ABR: variants seen among roughly 807,000 people sequenced by gnomAD.
ABR encodes active breakpoint cluster region-related protein.
ABR carries 35 observed loss-of-function variants against 107.2 expected under a neutral mutation model. That is an observed-to-expected ratio of 0.33 (90% confidence interval 0.25 to 0.43). ABR has a LOEUF of 0.43. Among genes scored for constraint, ABR ranks in the 20% least tolerant of loss-of-function variants. ABR has a pLI of 1.00. For missense variants in ABR, 815 were observed against 1,115.2 expected (o/e 0.73, Z 3.83); for synonymous variants, 498 against 462.0 (o/e 1.08, Z -1.00).
rs113843648 is a variant in ABR, at chr17:1,220,270, G to A, written c.838+8523C>T. Among the ~76,000 whole-genome samples, 15 of 149,902 alleles carry A rather than the reference G, an allele frequency of 1.0e-4. No homozygotes were observed. In the East Asian group the frequency reaches 1.9e-3, roughly 19 times the overall value. ...CACACCACTGCACTCCAGCCTGGGC[G>A]ACAGAGCGAGACTCCGTCTAAAAAA... On this transcript the variant is annotated intron_variant, in intron 1 of 22. Transcript: ENST00000574139.
intron 5 of ABR, among the ~76,000 whole-genome samples, chr17:1,081,299 T>G (rs3786069): frequency 0.044 from 6,707 of 152,276 alleles, 228 homozygotes; most frequent in East Asian, 0.17. Flanking sequence ...GGTCTTGAAC[T>G]CCTGGGCTCA....
chr17:1,151,299 G>A (rs990839178), intron 1 of ABR, among the ~76,000 whole-genome samples: 12 of 152,110 alleles, frequency 7.9e-5, no homozygotes, highest in African/African-American at 1.4e-4. Flanking sequence ...CTGGCTCTAC[G>A]TCTTATTTCC....
intron 2 of ABR, among the ~76,000 whole-genome samples, chr17:1,106,462 C>G (rs1328488312): frequency 6.6e-6 from 1 of 151,800 alleles, no homozygotes; most frequent in Non-Finnish European, 1.5e-5. Flanking sequence ...CCATCCCCAA[C>G]TCCACTAGAA....
In ABR at chr17:1,010,652, C is replaced by T; in HGVS notation, c.2236+77G>A. ...GCAAAGGAAGCCACAGATATTTCTC[C>T]TGCTGGTTACTTCTCCGGGCAGGGA... is the stretch of plus-strand genomic sequence containing the variant. On this transcript the variant is annotated intron_variant, in intron 20 of 22. Transcript: ENST00000302538. This position sits in a 1 kb window ranked among gnomAD's most constrained non-coding sequence, Gnocchi z 4.1. 1 of 1,564,042 alleles carries T rather than the reference C, an allele frequency of 6.4e-7. No homozygotes were observed. The highest frequency in any genetic ancestry group is 8.7e-7 in the Non-Finnish European group (1 of 1,152,996).
chr17:1,060,975 G>C (rs937537678), intron 10 of ABR, among the ~76,000 whole-genome samples: 3 of 152,198 alleles, frequency 2.0e-5, no homozygotes, highest in South Asian at 4.2e-4. Flanking sequence ...CTGGGCGACA[G>C]TGACAAAGTG....
chr17:1,150,469 TGGCCAGGAGCTGCAAGCAGC>T lies in ABR; in HGVS notation c.62-25122_62-25103del, dbSNP rs2040746230. 6.6e-6 allele frequency among the ~76,000 whole-genome samples: 1 copy of T among 152,062 alleles called. No individual in the cohort carries two copies. On this transcript the variant is annotated intron_variant, in intron 1 of 22. Transcript: ENST00000302538. The surrounding 1 kb of genome is among the most constrained non-coding windows in gnomAD (Gnocchi z 4.8). ...CGTCCAGACACAAAGAGGAGGGTGG[TGGCCAGGAGCTGCAAGCAGC>T]GGCACACGTGTGGGCAATACACAGG...
intron 16 of ABR, among the ~76,000 whole-genome samples, chr17:1,025,507 C>T (rs1050631612): frequency 1.3e-5 from 2 of 152,172 alleles, no homozygotes; most frequent in East Asian, 3.9e-4. Context: ...TGTCCTGAAC[C>T]GCAGGGCCCC....
At chr17:1,030,354 G>A (rs972616009) in intron 16 of ABR, among the ~76,000 whole-genome samples, 6 of 152,228 alleles carry the variant, frequency 3.9e-5, no homozygotes, top group Non-Finnish European at 8.8e-5. Context: ...CTGACGTTTG[G>A]GGATGGATGG....
At position 1,179,947 on chromosome 17, in the gene ABR, G is replaced by A. The variant is rs1598069696; in HGVS notation, c.-220C>T. 4.0e-5 allele frequency: 12 copies of A among 301,116 alleles called. 1 individual carries two copies. The highest frequency in any genetic ancestry group is 5.9e-6 in the Non-Finnish European group (1 of 169,854). 18.7% of individuals were successfully genotyped at this position (301,116 alleles called of 1,614,324 possible). On this transcript the variant is annotated 5_prime_UTR_variant, in exon 1 of 23. Coordinates refer to ENST00000302538, the MANE Select transcript of ABR (RefSeq NM_021962.5). The surrounding 1 kb of genome is among the most constrained non-coding windows in gnomAD (Gnocchi z 4.9). ...GAACCCTCCCGGCCCCAGCGGCCGC[G>A]CCGAGCCCAGCTGCGGATCCCGGAA...
chr17:1,012,373 G>A (rs1346117870), intron 18 of ABR: 2 of 656,084 alleles, frequency 3.0e-6, no homozygotes, highest in East Asian at 3.0e-5. Flanking sequence ...TTCCCGAGGG[G>A]CCGCCAGTCC....
Position 1,079,313 on chromosome 17 carries a change from C to G in ABR, c.700+17G>C. On this transcript the variant is annotated intron_variant, in intron 6 of 22. Transcript: ENST00000302538. ...ACAAAGGTAGGTGCCTGTAATCCAG[C>G]CCGCTCCCCGAGGTACCTTCCATGG... The G allele has an allele frequency of 6.2e-7, 1 of 1,611,880 alleles. No homozygotes were observed. Among genetic ancestry groups the G allele is most frequent in the Non-Finnish European group, 8.5e-7 (1 of 1,178,968 alleles).
intron 10 of ABR, among the ~76,000 whole-genome samples, chr17:1,060,758 C>T (rs552221899): frequency 1.4e-4 from 22 of 152,088 alleles, no homozygotes; most frequent in South Asian, 4.2e-4. Context: ...TTTGGGAGGC[C>T]GGGGCGGGTG....
intron 1 of ABR, among the ~76,000 whole-genome samples, chr17:1,133,743 C>G (rs2039940952): frequency 1.3e-5 from 2 of 152,160 alleles, no homozygotes; most frequent in Admixed American, 1.3e-4. Flanking sequence ...TCCTTGCTTA[C>G]TCTACCCTCG....
intron 1 of ABR, among the ~76,000 whole-genome samples, chr17:1,212,887 T>TAA (rs879916039): frequency 2.1e-5 from 3 of 140,736 alleles, no homozygotes; most frequent in African/African-American, 5.2e-5. Flanking sequence ...AGACACTGTC[T>TAA]AAAAAAAAAA....
intron 16 of ABR, among the ~76,000 whole-genome samples, chr17:1,023,053 C>T (rs564748570): frequency 6.8e-6 from 1 of 148,142 alleles, no homozygotes; most frequent in Non-Finnish European, 1.5e-5. Flanking sequence ...GCCTGCCCCA[C>T]GTCCGCTCCA....
At position 1,150,998 on chromosome 17, in the gene ABR, C is replaced by A. The variant is rs1290942313; in HGVS notation, c.62-25631G>T. 6.6e-6 allele frequency among the ~76,000 whole-genome samples: 1 copy of A among 152,138 alleles called. No individual in the cohort carries two copies. Among genetic ancestry groups the A allele is most frequent in the Non-Finnish European group, 1.5e-5 (1 of 68,028 alleles). ...AAAGGTAAGAATGGAGGCAGGAGAACATTTGATTCAGAGCTCATGCTCTGC... is the reference window on the plus strand; with the variant it reads ...AAAGGTAAGAATGGAGGCAGGAGAAAATTTGATTCAGAGCTCATGCTCTGC... On this transcript the variant is annotated intron_variant, in intron 1 of 22. Transcript: ENST00000302538. This position sits in a 1 kb window ranked among gnomAD's most constrained non-coding sequence, Gnocchi z 4.8.
chr17:1,080,173 A>G (rs1284034828), intron 5 of ABR, among the ~76,000 whole-genome samples: 1 of 152,140 alleles, frequency 6.6e-6, no homozygotes. Context: ...TGAGCTCCCC[A>G]GGACAGTGAG....
chr17:1,147,394 T>TC, intron 1 of ABR, among the ~76,000 whole-genome samples: 1 of 150,456 alleles, frequency 6.6e-6, no homozygotes, highest in African/African-American at 2.4e-5. Flanking sequence ...AGAGTCTCAC[T>TC]CTGTCGCCCA....
At chr17:1,076,188 T>A (rs1038863043) in intron 6 of ABR, among the ~76,000 whole-genome samples, 4 of 152,148 alleles carry the variant, frequency 2.6e-5, no homozygotes, top group African/African-American at 9.7e-5. Context: ...CAGGCATGAG[T>A]ACCCGGCCAA....
Sources: gnomAD v4.1 joint callset for allele counts (sites outside exome capture counted in the v4.1 genomes callset) on GRCh38, gnomAD v4.1.1 for gene constraint, Gnocchi (gnomAD v3.1) non-coding constraint, MANE v1.5 for transcripts, NCBI Gene and HGNC (gene_info 2026-07-23, HGNC 2026-07-21) for gene names.